The following NDUFV2 variants were observed in gnomAD, a reference collection of about 807,000 sequenced individuals.
The protein encoded by NDUFV2 is NADH dehydrogenase [ubiquinone] flavoprotein 2, mitochondrial.
Under a neutral mutation model 31.6 loss-of-function variants are expected in NDUFV2, and 18 were observed. The ratio of observed to expected loss-of-function variants is 0.57; its 90% confidence interval spans 0.39 to 0.84. The LOEUF (loss-of-function observed/expected upper bound fraction) is 0.84. Ranked by LOEUF, NDUFV2 falls within the 40% of genes least tolerant of loss-of-function variation. NDUFV2 has a pLI of 0.00. For synonymous variants in NDUFV2, 83 were observed against 99.8 expected (o/e 0.83, Z 1.01); for missense variants, 314 against 303.6 (o/e 1.03, Z -0.26).
intron 4 of NDUFV2, 98 bp downstream of exon 4, chr18:9,119,688 T>G (rs1176980728): frequency 8.3e-6 from 9 of 1,080,124 alleles, no homozygotes; most frequent in Non-Finnish European, 1.3e-5. Context: ...AGTGTCAGAA[T>G]CTAGGATTTT....
chr18:9,120,113 T>C (rs895608977), intron 4 of NDUFV2, among the ~76,000 whole-genome samples: 1 of 152,170 alleles, frequency 6.6e-6, no homozygotes, highest in African/African-American at 2.4e-5. Flanking sequence ...GTTACTCTAT[T>C]CATATAATAT....
intron 1 of NDUFV2, chr18:9,112,513 C>T (rs1568188066): frequency 6.6e-6 from 1 of 152,328 alleles, no homozygotes; most frequent in Non-Finnish European, 1.5e-5. Flanking sequence ...GACAGGGTCT[C>T]ACTTTGTCAC....
intron 1 of NDUFV2, among the ~76,000 whole-genome samples, chr18:9,110,582 G>A (rs775279161): frequency 1.1e-4 from 16 of 152,032 alleles, no homozygotes; most frequent in Non-Finnish European, 2.4e-4. Flanking sequence ...ATCATGGCTC[G>A]CTGCAACCTC....
intron 1 of NDUFV2, chr18:9,104,193 G>C: frequency 6.2e-7 from 1 of 1,612,046 alleles, no homozygotes; most frequent in Non-Finnish European, 8.5e-7. Flanking sequence ...AAAAAGATCG[G>C]TATGTATGAG....
intron 7 of NDUFV2, among the ~76,000 whole-genome samples, chr18:9,131,069 TAGTC>T (rs780650988): frequency 3.1e-4 from 47 of 152,222 alleles, no homozygotes; most frequent in Non-Finnish European, 5.4e-4. Context: ...ACAAATAACA[TAGTC>T]AGCACATATT....
chr18:9,103,842 GATA>G (rs2144725857), intron 1 of NDUFV2: 2 of 272,368 alleles, frequency 7.3e-6, no homozygotes, highest in South Asian at 5.9e-5. Flanking sequence ...TAACAGTGTG[GATA>G]ATAATGATAG....
intron 7 of NDUFV2, among the ~76,000 whole-genome samples, chr18:9,130,833 G>T (rs2078033757): frequency 6.6e-6 from 1 of 152,094 alleles, no homozygotes; most frequent in East Asian, 1.9e-4. Flanking sequence ...TCTTACCCTG[G>T]CCAAAATTAG....
At position 9,102,771 on chromosome 18, in the gene NDUFV2, C is replaced by T. The variant is rs760685057; in HGVS notation, c.28C>T (p.Arg10Trp). The change falls in exon 1 of 8, where the codon CGG becomes TGG. Residue 10 changes from arginine (R) to tryptophan (W), a missense_variant. Arg to Trp is a moderately radical substitution (Grantham distance 101). Coordinates refer to ENST00000318388, the MANE Select transcript of NDUFV2 (RefSeq NM_021074.5). ...GTTCTTCTCCGCGGCGCTCCGGGCC[C>T]GGGCGGCTGGCCTCACCGCCCACTG... MFFSAALRA[R>W]AAGLTAHWGR... 3.8e-6 allele frequency: 6 copies of T among 1,583,710 alleles called. No individual in the cohort carries two copies. Among genetic ancestry groups the T allele is most frequent in the South Asian group, 2.3e-5 (2 of 86,950 alleles).
intron 7 of NDUFV2, among the ~76,000 whole-genome samples, chr18:9,132,985 C>T (rs2078053493): frequency 6.6e-6 from 1 of 152,182 alleles, no homozygotes; most frequent in Non-Finnish European, 1.5e-5. Flanking sequence ...TTACAGTATA[C>T]AATGACTGCT....
chr18:9,114,713 T>C (rs1335416472), intron 1 of NDUFV2, among the ~76,000 whole-genome samples: 2 of 152,174 alleles, frequency 1.3e-5, no homozygotes, highest in Non-Finnish European at 2.9e-5. Flanking sequence ...TGAAAGTCTG[T>C]TTTTTTCCTA....
intron 1 of NDUFV2, among the ~76,000 whole-genome samples, chr18:9,106,525 G>A (rs561440984): frequency 1.3e-5 from 2 of 152,210 alleles, no homozygotes; most frequent in South Asian, 4.1e-4. Context: ...ACAATGAAAT[G>A]TTTTCCCCAT....
At chr18:9,120,146 G>T (rs887127058) in intron 4 of NDUFV2, among the ~76,000 whole-genome samples, 1 of 152,020 alleles carries the variant, frequency 6.6e-6, no homozygotes, top group Admixed American at 6.6e-5. Flanking sequence ...ATAGTTTTGA[G>T]CAGTAATACA....
intron 1 of NDUFV2, chr18:9,104,982 A>G (rs1466132639): frequency 1.3e-6 from 2 of 1,547,816 alleles, no homozygotes; most frequent in East Asian, 2.3e-5. Context: ...ATGGAAAGGT[A>G]TTTATACTGT....
chr18:9,119,228 T>G (rs2077916576), intron 2 of NDUFV2, 98 bp from the exon 3 acceptor site: 1 of 946,900 alleles, frequency 1.1e-6, no homozygotes, highest in Non-Finnish European at 1.7e-6. Context: ...GGAATTAAAA[T>G]GGAGAGATTA....
At chr18:9,119,446 A>G (rs376294168) in intron 3 of NDUFV2, 28 bp from the exon 4 acceptor site, 41 of 1,607,570 alleles carry the variant, frequency 2.6e-5, no homozygotes, top group Non-Finnish European at 3.3e-5. Context: ...TTCTAGATGT[A>G]TAAAATGATG....
At chr18:9,117,771 G>A in intron 1 of NDUFV2, 67 bp from the exon 2 acceptor site, 2 of 874,278 alleles carry the variant, frequency 2.3e-6, no homozygotes, top group Non-Finnish European at 3.9e-6. Flanking sequence ...GAATCCTAAA[G>A]TATTTCTTTA....
At chr18:9,113,565 A>G (rs999969599) in intron 1 of NDUFV2, among the ~76,000 whole-genome samples, 1 of 152,204 alleles carries the variant, frequency 6.6e-6, no homozygotes, top group Non-Finnish European at 1.5e-5. Context: ...ATATTGTCTT[A>G]TGCCCAATTT....
At position 9,111,195 on chromosome 18, in the gene NDUFV2, A is replaced by T. The variant is rs2077868278; in HGVS notation, c.55-6643A>T. On this transcript the variant is annotated intron_variant, in intron 1 of 7. Coordinates refer to ENST00000318388, the MANE Select transcript of NDUFV2 (RefSeq NM_021074.5). ...TGTAATCATCTGGCCCTAGGATCTA[A>T]CATAATTTCTGCCAATAATTAGTGA... is the stretch of plus-strand genomic sequence containing the variant. Among the ~76,000 whole-genome samples the T allele has an allele frequency of 1.3e-5, 2 of 152,212 alleles. 1 individual carries two copies. Among genetic ancestry groups the T allele is most frequent in the South Asian group, 4.1e-4 (2 of 4,832 alleles).
rs537980728 is a variant in NDUFV2 at position 9,107,528 on chromosome 18, G to A, written c.54+4731G>A. 1.4e-3 allele frequency among the ~76,000 whole-genome samples: 208 copies of A among 152,252 alleles called. 1 individual carries two copies. The highest frequency in any genetic ancestry group is 4.6e-3 in the African/African-American group (190 of 41,544). On this transcript the variant is annotated intron_variant, in intron 1 of 7. Coordinates refer to ENST00000318388, the MANE Select transcript of NDUFV2 (RefSeq NM_021074.5). ...TAGGGGGAAGGTGGCTTTATCTGTC[G>A]GATATTTTGCTAGGTGTTACCCCAT... is the stretch of plus-strand genomic sequence containing the variant.
Sources: gnomAD v4.1 joint callset for allele counts (sites outside exome capture counted in the v4.1 genomes callset) on GRCh38, gnomAD v4.1.1 for gene constraint, MANE v1.5 for transcripts, NCBI Gene and HGNC (gene_info 2026-07-23, HGNC 2026-07-21) for gene names.